The following TRIM44 variants were observed in gnomAD, a reference collection of about 807,000 sequenced individuals.
TRIM44 encodes tripartite motif containing 44.
In TRIM44, 13 loss-of-function variants were observed where a neutral mutation model predicts 37.4. That is an observed-to-expected ratio of 0.35 (90% CI 0.23 to 0.55). The LOEUF (loss-of-function observed/expected upper bound fraction) is 0.55, where lower values mean the gene tolerates loss of function less well. TRIM44 is among the 20% of genes least tolerant of loss of function. TRIM44 has a pLI of 0.89. For missense variants in TRIM44, 426 were observed against 437.2 expected (o/e 0.97, Z 0.23); for synonymous variants, 175 against 157.2 (o/e 1.11, Z -0.85).
intron 2 of TRIM44, among the ~76,000 whole-genome samples, chr11:35,705,620 G>A (rs1264155942): frequency 1.3e-4 from 19 of 149,640 alleles, no homozygotes; most frequent in Non-Finnish European, 2.1e-4. Context: ...ACTCAAAACT[G>A]CTCAACTACA....
intron 4 of TRIM44, among the ~76,000 whole-genome samples, chr11:35,765,799 T>C (rs1852790824): frequency 6.6e-6 from 1 of 152,212 alleles, no homozygotes; most frequent in Non-Finnish European, 1.5e-5. Flanking sequence ...TGCAATCTGA[T>C]AGAACAAAAT....
intron 1 of TRIM44, among the ~76,000 whole-genome samples, chr11:35,669,196 T>A (rs1029182636): frequency 2.0e-5 from 3 of 152,228 alleles, no homozygotes; most frequent in Admixed American, 6.5e-5. Flanking sequence ...AGTTTGATTC[T>A]GCTAAGGCCT....
intron 4 of TRIM44, among the ~76,000 whole-genome samples, chr11:35,792,017 G>T (rs950021280): frequency 6.6e-6 from 1 of 150,398 alleles, no homozygotes; most frequent in Non-Finnish European, 1.5e-5. Flanking sequence ...TTTAATATTT[G>T]CATCAACTCT....
At chr11:35,689,516 C>G (rs1339304066) in intron 2 of TRIM44, among the ~76,000 whole-genome samples, 1 of 152,050 alleles carries the variant, frequency 6.6e-6, no homozygotes, top group Non-Finnish European at 1.5e-5. Flanking sequence ...AGTTTGCAAA[C>G]TTTTTTTTCT....
chr11:35,742,775 C>T (rs2985414), intron 4 of TRIM44, among the ~76,000 whole-genome samples: 55,487 of 122,068 alleles, frequency 0.45, 12,209 homozygotes, highest in African/African-American at 0.62. Flanking sequence ...TTATATATTA[C>T]ATATAAATAT....
At position 35,812,802 on chromosome 11, in the gene TRIM44, G is replaced by C. The variant is rs1213301957; in HGVS notation, c.*6417G>C. The stretch of plus-strand genomic sequence containing the variant: ...CTTTGTATAGCCTGTAAAATGCAAT[G>C]TACAGTGAGGGAAAGAAAGTCTAAG... On this transcript the variant is annotated 3_prime_UTR_variant, in exon 5 of 5. Coordinates refer to ENST00000299413, the MANE Select transcript of TRIM44 (RefSeq NM_017583.6). 2 of 151,472 alleles carry C rather than the reference G, an allele frequency of 1.3e-5. No individual in the cohort carries two copies. The highest frequency in any genetic ancestry group is 3.0e-5 in the Non-Finnish European group (2 of 67,668). 9.4% of individuals were successfully genotyped at this position (151,472 alleles called of 1,614,324 possible). A position where few individuals can be genotyped will look rare whatever the true frequency, so the allele number is the denominator to read the frequency against.
At chr11:35,685,677 T>G (rs1851566988) in intron 2 of TRIM44, among the ~76,000 whole-genome samples, 1 of 152,286 alleles carries the variant, frequency 6.6e-6, no homozygotes, top group South Asian at 2.1e-4. Context: ...CATCTTTTTT[T>G]TTTTGAGACA....
chr11:35,726,922 G>A (rs1852182350), intron 3 of TRIM44, among the ~76,000 whole-genome samples: 1 of 151,928 alleles, frequency 6.6e-6, no homozygotes, highest in South Asian at 2.1e-4. Context: ...CACTTTGGGA[G>A]GCTAGGGTGG....
intron 1 of TRIM44, among the ~76,000 whole-genome samples, chr11:35,666,872 A>G (rs1590486279): frequency 6.6e-6 from 1 of 152,226 alleles, no homozygotes; most frequent in East Asian, 1.9e-4. Flanking sequence ...TACATATCCT[A>G]ATAATTTATC....
Position 35,662,954 on chromosome 11 carries a change from C to A in TRIM44, c.-158C>A. 1 of 1,274,386 alleles carries A rather than the reference C, an allele frequency of 7.8e-7. No individual in the cohort carries two copies. Among genetic ancestry groups the A allele is most frequent in the Non-Finnish European group, 1.0e-6 (1 of 984,390 alleles). 78.9% of individuals were successfully genotyped at this position (1,274,386 alleles called of 1,614,324 possible). ...CTTTGCTGCTGCGCCCGGGCAGGGG[C>A]TGCCGCGGCCCCAGGTCCCGCTTCG... On this transcript the variant is annotated 5_prime_UTR_variant, in exon 1 of 5. In the 5' UTR this introduces an upstream ATG that the reference lacks. Coordinates refer to ENST00000299413, the MANE Select transcript of TRIM44 (RefSeq NM_017583.6).
chr11:35,727,506 T>G (rs1186828518), intron 3 of TRIM44, among the ~76,000 whole-genome samples: 1 of 152,230 alleles, frequency 6.6e-6, no homozygotes, highest in Non-Finnish European at 1.5e-5. Context: ...CCAGGGCTTT[T>G]GATTAATTTT....
At chr11:35,761,687 C>T (rs1050103556) in intron 4 of TRIM44, among the ~76,000 whole-genome samples, 2 of 152,176 alleles carry the variant, frequency 1.3e-5, no homozygotes, top group African/African-American at 4.8e-5. Context: ...TCCAAGGTCA[C>T]ATAGCTAGTA....
chr11:35,735,357 A>G (rs879565956), intron 3 of TRIM44, 69 bp from the exon 4 acceptor site: 1 of 1,558,514 alleles, frequency 6.4e-7, no homozygotes, highest in African/African-American at 1.4e-5. Context: ...GGGAGGGAAA[A>G]GAAAGAAATC....
intron 4 of TRIM44, among the ~76,000 whole-genome samples, chr11:35,765,939 A>G (rs1852792970): frequency 6.6e-6 from 1 of 152,214 alleles, no homozygotes; most frequent in African/African-American, 2.4e-5. Context: ...TTCAATCAAC[A>G]CAGAGTGGTA....
At chr11:35,754,435 T>G (rs1274978889) in intron 4 of TRIM44, among the ~76,000 whole-genome samples, 1 of 152,216 alleles carries the variant, frequency 6.6e-6, no homozygotes, top group Non-Finnish European at 1.5e-5. Context: ...CCTACCTTTC[T>G]TTCAAGGTCC....
At chr11:35,784,825 GTAGAATTTCAGTA>G (rs1351299733) in intron 4 of TRIM44, among the ~76,000 whole-genome samples, 1 of 152,160 alleles carries the variant, frequency 6.6e-6, no homozygotes, top group Non-Finnish European at 1.5e-5. Flanking sequence ...AAACTAGGTT[GTAGAATTTCAGTA>G]TCTTTTATTT....
At chr11:35,679,580 G>T (rs778946654) in intron 1 of TRIM44, among the ~76,000 whole-genome samples, 4 of 152,130 alleles carry the variant, frequency 2.6e-5, no homozygotes, top group Non-Finnish European at 4.4e-5. Context: ...CTTGAGAGAG[G>T]TTGCTTTGCC....
intron 2 of TRIM44, among the ~76,000 whole-genome samples, chr11:35,723,805 T>G (rs544820159): frequency 6.6e-6 from 1 of 152,292 alleles, no homozygotes; most frequent in African/African-American, 2.4e-5. Flanking sequence ...TTCTCAGGCA[T>G]TCAGAAAAGT....
intron 4 of TRIM44, among the ~76,000 whole-genome samples, chr11:35,802,797 C>T (rs1853387452): frequency 6.6e-6 from 1 of 152,080 alleles, no homozygotes; most frequent in Non-Finnish European, 1.5e-5. Context: ...CTAGTTAGTA[C>T]CTGTATTTCA....
Sources: gnomAD v4.1 joint callset for allele counts (sites outside exome capture counted in the v4.1 genomes callset) on GRCh38, gnomAD v4.1.1 for gene constraint, MANE v1.5 for transcripts, NCBI Gene and HGNC (gene_info 2026-07-23, HGNC 2026-07-21) for gene names.